PCSK2: variants seen among roughly 807,000 people sequenced by gnomAD.
PCSK2 encodes the protein proprotein convertase subtilisin/kexin type 2.
A neutral mutation model predicts 69.7 loss-of-function variants in PCSK2; 14 were observed. The observed-to-expected ratio is 0.20, with a 90% CI of 0.13 to 0.31. PCSK2 has a LOEUF of 0.31. PCSK2 is among the 10% of genes least tolerant of loss of function. PCSK2 has a pLI of 1.00. For synonymous variants in PCSK2, 307 were observed against 320.7 expected (o/e 0.96, Z 0.46); for missense variants, 544 against 842.5 (o/e 0.65, Z 4.39).
intron 2 of PCSK2, among the ~76,000 whole-genome samples, chr20:17,313,299 A>G (rs932799874): frequency 3.3e-5 from 5 of 152,274 alleles, no homozygotes; most frequent in Admixed American, 6.5e-5. Context: ...ACACCTGGCC[A>G]GGAGCTGACG....
At chr20:17,370,257 A>G (rs1319128664) in intron 5 of PCSK2, among the ~76,000 whole-genome samples, 1 of 152,210 alleles carries the variant, frequency 6.6e-6, no homozygotes, top group Non-Finnish European at 1.5e-5. Flanking sequence ...GGGCTTGCAT[A>G]AAAGAAAGGA....
intron 4 of PCSK2, among the ~76,000 whole-genome samples, chr20:17,361,663 C>T (rs2030400562): frequency 6.6e-6 from 1 of 152,182 alleles, no homozygotes; most frequent in South Asian, 2.1e-4. Flanking sequence ...ACAGAGGAAA[C>T]CAAGAGGAGC....
Position 17,275,084 on chromosome 20 carries a change from CATATATATATATAT to C in PCSK2, c.282+14756_282+14769del, listed in dbSNP as rs11474649. Among the ~76,000 whole-genome samples the C allele has an allele frequency of 7.8e-3, 1,097 of 141,536 alleles. 18 individuals carry two copies. Among genetic ancestry groups the C allele is most frequent in the African/African-American group, 0.026 (1,002 of 38,652 alleles). The allele number at this position is 141,536 out of a possible 152,430, so 92.9% of individuals were successfully genotyped here. A position where few individuals can be genotyped will look rare whatever the true frequency, so the allele number is the denominator to read the frequency against. On this transcript the variant is annotated intron_variant, in intron 2 of 11. Coordinates refer to ENST00000262545, the MANE Select transcript of PCSK2 (RefSeq NM_002594.5). Reference sequence around the variant, plus strand: ...TCTTATTTTGTGCATATTATTTATACATATATATATATATATATATATATATATAATGTTGGGCG... The same window carrying C: ...TCTTATTTTGTGCATATTATTTATACATATATATATATATAATGTTGGGCG...
intron 6 of PCSK2, among the ~76,000 whole-genome samples, chr20:17,414,329 G>A (rs1014327346): frequency 4.6e-5 from 7 of 152,040 alleles, no homozygotes; most frequent in Admixed American, 2.6e-4. Flanking sequence ...TCAAATAGAC[G>A]CATTCAAAAA....
chr20:17,407,480 AAC>A (rs1426841942), intron 5 of PCSK2, among the ~76,000 whole-genome samples: 1 of 152,194 alleles, frequency 6.6e-6, no homozygotes, highest in Non-Finnish European at 1.5e-5. Flanking sequence ...CTACCCCACT[AAC>A]TATACCTAAG....
chr20:17,342,135 G>A (rs888370866), intron 2 of PCSK2, among the ~76,000 whole-genome samples: 8 of 151,858 alleles, frequency 5.3e-5, no homozygotes, highest in African/African-American at 1.9e-4. Context: ...GAGTGATAAG[G>A]TGTGTGTCAC....
intron 3 of PCSK2, among the ~76,000 whole-genome samples, chr20:17,360,080 G>A (rs1478195971): frequency 8.5e-5 from 13 of 152,140 alleles, no homozygotes; most frequent in Admixed American, 8.5e-4. Context: ...GTCATCTCCT[G>A]CAAAAGATAT....
chr20:17,256,793 C>T (rs1007834517), intron 1 of PCSK2, among the ~76,000 whole-genome samples: 6 of 152,014 alleles, frequency 3.9e-5, no homozygotes, highest in African/African-American at 1.5e-4. Context: ...CCCCACAGGC[C>T]CCAGTGTGTG....
chr20:17,352,601 G>GTA (rs1212276139), intron 2 of PCSK2, among the ~76,000 whole-genome samples: 21 of 152,190 alleles, frequency 1.4e-4, no homozygotes, highest in Admixed American at 2.6e-4. Flanking sequence ...AATGGGAAAA[G>GTA]GGCTTTTTAT....
intron 11 of PCSK2, among the ~76,000 whole-genome samples, chr20:17,468,155 G>GCCCACCATAGGTCAGCAT (rs1183508654): frequency 1.3e-5 from 2 of 149,782 alleles, no homozygotes; most frequent in African/African-American, 4.9e-5. Flanking sequence ...TATACGGGCA[G>GCCCACCATAGGTCAGCAT]CCCACCATAG....
At chr20:17,321,813 T>G (rs1989877253) in intron 2 of PCSK2, among the ~76,000 whole-genome samples, 1 of 152,144 alleles carries the variant, frequency 6.6e-6, no homozygotes, top group South Asian at 2.1e-4. Context: ...GAAAATAATC[T>G]AGAAACTGCT....
At chr20:17,444,939 C>A (rs572451168) in intron 8 of PCSK2, among the ~76,000 whole-genome samples, 2 of 152,318 alleles carry the variant, frequency 1.3e-5, no homozygotes, top group East Asian at 3.9e-4. Context: ...GCCTTTCAGC[C>A]TCTTGGGAGG....
intron 5 of PCSK2, among the ~76,000 whole-genome samples, chr20:17,404,573 A>G (rs57495478): frequency 2.1e-3 from 314 of 152,304 alleles, no homozygotes; most frequent in African/African-American, 7.2e-3. Flanking sequence ...ACCCACCTTC[A>G]GCTAGCATGA....
At chr20:17,306,017 G>A (rs956511673) in intron 2 of PCSK2, among the ~76,000 whole-genome samples, 9 of 152,022 alleles carry the variant, frequency 5.9e-5, no homozygotes, top group African/African-American at 2.2e-4. Context: ...CCAAAATGAG[G>A]GCAGAATTTG....
chr20:17,322,576 A>G (rs1376036288), intron 2 of PCSK2, among the ~76,000 whole-genome samples: 2 of 152,236 alleles, frequency 1.3e-5, no homozygotes, highest in Non-Finnish European at 2.9e-5. Context: ...TTTATGAAGA[A>G]CAGAAATTTA....
chr20:17,227,628 C>T, intron 1 of PCSK2, 146 bp downstream of exon 1: 3 of 628,912 alleles, frequency 4.8e-6, no homozygotes, highest in Non-Finnish European at 8.5e-6. Context: ...CACGATATTG[C>T]CTCCGGTGAT....
intron 11 of PCSK2, among the ~76,000 whole-genome samples, chr20:17,473,392 A>G (rs2033239662): frequency 6.6e-6 from 1 of 152,102 alleles, no homozygotes; most frequent in Non-Finnish European, 1.5e-5. Flanking sequence ...CGCCTGACCT[A>G]AGAACTCTTA....
chr20:17,319,683 G>C (rs1989806042), intron 2 of PCSK2, among the ~76,000 whole-genome samples: 1 of 152,100 alleles, frequency 6.6e-6, no homozygotes, highest in Non-Finnish European at 1.5e-5. Context: ...TGAACACTGG[G>C]AGGGGGGTAT....
chr20:17,366,870 GC>G (rs1405090744), intron 4 of PCSK2, among the ~76,000 whole-genome samples: 4 of 151,892 alleles, frequency 2.6e-5, no homozygotes, highest in African/African-American at 7.3e-5. Context: ...TTATCTTCTT[GC>G]TCCAGTATTT....
Sources: allele counts gnomAD v4.1 joint callset (sites outside exome capture counted in the v4.1 genomes callset), GRCh38; gene constraint gnomAD v4.1.1; transcripts MANE v1.5; gene names NCBI Gene and HGNC (gene_info 2026-07-23, HGNC 2026-07-21).